UNC13B: variants seen among roughly 807,000 people sequenced by gnomAD.
UNC13B encodes the protein protein unc-13 homolog B.
A neutral mutation model predicts 211.0 loss-of-function variants in UNC13B; 144 were observed. The observed-to-expected ratio is 0.68, with a 90% CI of 0.60 to 0.78. UNC13B has a LOEUF of 0.78. Ranked by LOEUF, UNC13B falls within the 30% of genes least tolerant of loss-of-function variation. The probability of loss-of-function intolerance (pLI) is 0.00; values close to 1 mark genes in which losing one functional copy is unlikely to be tolerated. For missense variants in UNC13B, 1,777 were observed against 2,002.0 expected (o/e 0.89, Z 2.14); for synonymous variants, 709 against 725.8 (o/e 0.98, Z 0.37).
Position 35,397,659 on chromosome 9 carries a change from T to G in UNC13B, c.11701T>G (p.Tyr3901Asp). ...AKTIGKVLMQ[Y>D]ADILSKDFPA... Reference sequence around the variant, plus strand: ...GACCATCGGGAAGGTGCTGATGCAGTATGCAGACATCTTGTCAAAGGACTT... The same window carrying G: ...GACCATCGGGAAGGTGCTGATGCAGGATGCAGACATCTTGTCAAAGGACTT... Residue 3901 changes from tyrosine (Y) to aspartate (D), a missense_variant, in exon 30 of 40, where the codon TAT (tyrosine) becomes GAT (aspartate). By Grantham distance (160) the Tyr-to-Asp change is radical (BLOSUM62 -3). Coordinates refer to ENST00000635942, the MANE Select transcript of UNC13B (RefSeq NM_001371189.2). 1 of 1,614,028 alleles carries G rather than the reference T, an allele frequency of 6.2e-7. No individual in the cohort carries two copies. Among genetic ancestry groups the G allele is most frequent in the Non-Finnish European group, 8.5e-7 (1 of 1,179,990 alleles).
intron 7 of UNC13B, among the ~76,000 whole-genome samples, chr9:35,272,180 G>A (rs997709744): frequency 4.7e-5 from 7 of 148,694 alleles, no homozygotes; most frequent in African/African-American, 1.2e-4. Flanking sequence ...ACATATGTAC[G>A]TAGAAAAACC....
intron 11 of UNC13B, chr9:35,352,244 A>T (rs1832761567): frequency 8.1e-7 from 1 of 1,232,200 alleles, no homozygotes; most frequent in East Asian, 3.2e-5. Context: ...ACTGGTGGAA[A>T]GCTTTCTAGC....
Position 35,400,278 on chromosome 9 carries a change from TGC to T in UNC13B, c.12337-17_12337-16del. 1 of 1,612,566 alleles carries T rather than the reference TGC, an allele frequency of 6.2e-7. No homozygotes were observed. ...TGTAAGGGGATGAAGCAGTCACGGG[TGC>T]TCTTTTATCTTGCAGCAATACTTCC... On this transcript the variant is annotated splice_polypyrimidine_tract_variant and intron_variant, in intron 36 of 39. Coordinates refer to ENST00000635942, the MANE Select transcript of UNC13B (RefSeq NM_001371189.2).
chr9:35,309,430 T>C (rs1285444867), intron 9 of UNC13B, among the ~76,000 whole-genome samples: 1 of 152,166 alleles, frequency 6.6e-6, no homozygotes, highest in Non-Finnish European at 1.5e-5. Flanking sequence ...GTGATTTCTC[T>C]TCTTTGACCA....
chr9:35,311,737 G>C (rs1830188781), intron 10 of UNC13B, among the ~76,000 whole-genome samples: 1 of 152,126 alleles, frequency 6.6e-6, no homozygotes, highest in Non-Finnish European at 1.5e-5. Context: ...AGAAACCCAG[G>C]ACAGAGTTAA....
chr9:35,312,746 G>A (rs1171096001), intron 10 of UNC13B, among the ~76,000 whole-genome samples: 1 of 152,216 alleles, frequency 6.6e-6, no homozygotes, highest in African/African-American at 2.4e-5. Flanking sequence ...GAGAAACATT[G>A]TTGCCAAGAA....
At chr9:35,377,169 T>G (rs1221884676) in intron 15 of UNC13B, among the ~76,000 whole-genome samples, 1 of 152,116 alleles carries the variant, frequency 6.6e-6, no homozygotes, top group Non-Finnish European at 1.5e-5. Flanking sequence ...TTGAAGAGCC[T>G]CAAATTGGTG....
At chr9:35,222,722 C>T (rs1200812239) in intron 1 of UNC13B, among the ~76,000 whole-genome samples, 2 of 152,192 alleles carry the variant, frequency 1.3e-5, no homozygotes, top group Non-Finnish European at 2.9e-5. Flanking sequence ...CATTTCAAAT[C>T]TTTTCTTCTA....
intron 1 of UNC13B, among the ~76,000 whole-genome samples, chr9:35,169,638 G>A (rs931002671): frequency 6.6e-6 from 1 of 152,162 alleles, no homozygotes; most frequent in Non-Finnish European, 1.5e-5. Context: ...CCTTAGAGCA[G>A]AGCTGTGGCT....
chr9:35,377,697 T>A lies in UNC13B; in HGVS notation c.10063+2T>A, dbSNP rs1401438887. On this transcript the variant is annotated splice_donor_variant, in intron 16 of 39. Coordinates refer to ENST00000635942, the MANE Select transcript of UNC13B (RefSeq NM_001371189.2). LOFTEE classifies it high-confidence loss of function. ...GGTCAGCCAAGATCACCATTACTGG[T>A]GAGCAGGCCACAGTTTGAGGGGACA... is the stretch of plus-strand genomic sequence containing the variant. The A allele has an allele frequency of 6.2e-7, 1 of 1,613,104 alleles. No homozygotes were observed.
At chr9:35,197,406 C>T (rs1033782643) in intron 1 of UNC13B, among the ~76,000 whole-genome samples, 1 of 152,030 alleles carries the variant, frequency 6.6e-6, no homozygotes, top group African/African-American at 2.4e-5. Context: ...TGGGGTTTCA[C>T]CATGTTGGCC....
chr9:35,336,572 C>T (rs1831671312), intron 11 of UNC13B, among the ~76,000 whole-genome samples: 2 of 152,166 alleles, frequency 1.3e-5, no homozygotes, highest in African/African-American at 4.8e-5. Flanking sequence ...TCATGGCTCA[C>T]TGCTGCCTTG....
Position 35,297,561 on chromosome 9 carries a change from T to TTTTTTTTGTTTTGTTTTTTTG in UNC13B, c.761+1637_761+1638insTGTTTTGTTTTTTTGTTTTTT. Among the ~76,000 whole-genome samples, 62 of 128,224 alleles carry TTTTTTTTGTTTTGTTTTTTTG rather than the reference T, an allele frequency of 4.8e-4. 1 individual carries two copies. The highest frequency in any genetic ancestry group is 2.5e-4 in the South Asian group (1 of 3,958). 84.1% of individuals were successfully genotyped at this position (128,224 alleles called of 152,430 possible). A position where few individuals can be genotyped will look rare whatever the true frequency, so the allele number is the denominator to read the frequency against. ...ACATACTTTGTCTTTTTTTTTTTTT[T>TTTTTTTTGTTTTGTTTTTTTG]TTTTTTGAGACGGAGTCTCGCTCTT... is the stretch of plus-strand genomic sequence containing the variant. On this transcript the variant is annotated intron_variant, in intron 8 of 39. Transcript: ENST00000635942.
At chr9:35,352,185 T>G (rs902066728) in intron 11 of UNC13B, 3 of 1,232,050 alleles carry the variant, frequency 2.4e-6, no homozygotes, top group Non-Finnish European at 3.0e-6. Context: ...GAGGAAGCCA[T>G]TCTGTATTTG....
At chr9:35,275,869 A>G (rs939702832) in intron 7 of UNC13B, among the ~76,000 whole-genome samples, 1 of 152,154 alleles carries the variant, frequency 6.6e-6, no homozygotes. Context: ...CTGGGATTAC[A>G]GTGAGCCACT....
rs77571833 is a variant in UNC13B at position 35,355,152 on chromosome 9, A to C, written c.9415-11795A>C. Reference sequence around the variant, plus strand: ...TACAAAAAAAAGCAAAGTGCAGAGCAGTATGTATAAGATGCTTTCATTTGT... The same window carrying C: ...TACAAAAAAAAGCAAAGTGCAGAGCCGTATGTATAAGATGCTTTCATTTGT... On this transcript the variant is annotated intron_variant, in intron 11 of 39. Transcript: ENST00000635942. Among the ~76,000 whole-genome samples, 1,156 of 152,330 alleles carry C rather than the reference A, an allele frequency of 7.6e-3. 18 individuals are homozygous for C. The highest frequency in any genetic ancestry group is 0.026 in the African/African-American group (1,094 of 41,578).
intron 21 of UNC13B, 34 bp downstream of exon 21, chr9:35,382,541 G>C (rs533331247): frequency 6.5e-7 from 1 of 1,537,964 alleles, no homozygotes; most frequent in South Asian, 1.2e-5. Context: ...GTCTGCATTT[G>C]TTACCAATTA....
At chr9:35,206,162 GC>G (rs1425785712) in intron 1 of UNC13B, among the ~76,000 whole-genome samples, 2 of 152,080 alleles carry the variant, frequency 1.3e-5, no homozygotes, top group Non-Finnish European at 2.9e-5. Context: ...TGTTGTCCAG[GC>G]TGGAGTGAGC....
At chr9:35,357,379 T>C (rs1340553069) in intron 11 of UNC13B, among the ~76,000 whole-genome samples, 1 of 152,202 alleles carries the variant, frequency 6.6e-6, no homozygotes, top group African/African-American at 2.4e-5. Flanking sequence ...CTATCTTCTT[T>C]GGAGTAATGT....
Sources: allele counts gnomAD v4.1 joint callset (sites outside exome capture counted in the v4.1 genomes callset), GRCh38; gene constraint gnomAD v4.1.1; transcripts MANE v1.5; gene names NCBI Gene and HGNC (gene_info 2026-07-23, HGNC 2026-07-21).